MSN: variants seen among roughly 807,000 people sequenced by gnomAD.
MSN encodes moesin, also known as epididymis luminal protein 70.
In MSN, 2 loss-of-function variants were observed where a neutral mutation model predicts 48.0. The observed-to-expected ratio is 0.04, with a 90% CI of 0.02 to 0.13. The LOEUF is 0.13. Among genes scored for constraint, MSN ranks in the 10% least tolerant of loss-of-function variants. The pLI, the probability that MSN is intolerant of heterozygous loss-of-function variation, is 1.00. For missense variants in MSN, 267 were observed against 470.1 expected (o/e 0.57, Z 3.99); for synonymous variants, 146 against 166.9 (o/e 0.87, Z 0.97).
At chrX:65,602,933 T>C (rs1484278891) in intron 1 of MSN, among the ~76,000 whole-genome samples, 1 of 110,883 alleles carries the variant, frequency 9.0e-6, no homozygotes, top group African/African-American at 3.3e-5. Flanking sequence ...TTAGAGACCA[T>C]ATAGAGGAGT....
intron 1 of MSN, among the ~76,000 whole-genome samples, chrX:65,628,115 T>G (rs1244909013): frequency 8.9e-6 from 1 of 112,314 alleles, no homozygotes; most frequent in East Asian, 2.8e-4. Context: ...CTTTTCCAGG[T>G]GCACAATGCA....
In MSN at chrX:65,740,670, G is replaced by T. The variant is rs2071727954; in HGVS notation, c.*777G>T. The T allele has an allele frequency of 5.8e-6, 1 of 172,325 alleles. No homozygotes were observed. The highest frequency in any genetic ancestry group is 1.1e-5 in the Non-Finnish European group (1 of 90,110). The allele number at this position is 172,325 out of a possible 1,213,427, so 14.2% of individuals were successfully genotyped here. A position where few individuals can be genotyped will look rare whatever the true frequency, so the allele number is the denominator to read the frequency against. ...TTGTAGGAGTATAGGCCGGTCTAAA[G>T]TGAGCTCTATGGGCAGATCTACCCC... is the stretch of plus-strand genomic sequence containing the variant. On this transcript the variant is annotated 3_prime_UTR_variant, in exon 13 of 13. Coordinates refer to ENST00000360270, the MANE Select transcript of MSN (RefSeq NM_002444.3).
intron 1 of MSN, among the ~76,000 whole-genome samples, chrX:65,689,411 C>A (rs751015399): frequency 9.0e-6 from 1 of 111,539 alleles, no homozygotes; most frequent in South Asian, 3.8e-4. Context: ...GGGAGCATAA[C>A]TGGGTGGAGG....
At chrX:65,717,909 G>A (rs57370106) in intron 2 of MSN, among the ~76,000 whole-genome samples, 19,377 of 111,325 alleles carry the variant, frequency 0.17, 4,153 homozygotes, top group African/African-American at 0.6. Context: ...GAAGGAGGTA[G>A]TGTTCAAATA....
chrX:65,627,551 C>T (rs1316893989), intron 1 of MSN, among the ~76,000 whole-genome samples: 1 of 110,815 alleles, frequency 9.0e-6, no homozygotes, highest in Non-Finnish European at 1.9e-5. Flanking sequence ...ATGACCGGCC[C>T]CCATGATTCA....
At chrX:65,660,728 G>A (rs1213887465) in intron 1 of MSN, among the ~76,000 whole-genome samples, 2 of 110,675 alleles carry the variant, frequency 1.8e-5, no homozygotes, top group East Asian at 2.8e-4. Context: ...CACCACACCC[G>A]GCTAATTTTT....
At chrX:65,729,121 A>G (rs1015942807) in intron 3 of MSN, among the ~76,000 whole-genome samples, 12 of 112,031 alleles carry the variant, frequency 1.1e-4, no homozygotes, top group Non-Finnish European at 2.1e-4. Context: ...ACGAGCTTAA[A>G]AGAAGAGCTT....
At chrX:65,632,678 G>T (rs1019328486) in intron 1 of MSN, among the ~76,000 whole-genome samples, 1 of 111,185 alleles carries the variant, frequency 9.0e-6, no homozygotes, top group African/African-American at 3.3e-5. Context: ...ATGTCTCTTT[G>T]TATGACTTGG....
chrX:65,588,640 T>G, intron 1 of MSN: 2 of 793,443 alleles, frequency 2.5e-6, no homozygotes, highest in Non-Finnish European at 3.0e-6. Flanking sequence ...GGCTGAGGGT[T>G]GGGAGAGGTT....
intron 1 of MSN, among the ~76,000 whole-genome samples, chrX:65,598,559 G>C (rs2070205559): frequency 8.9e-6 from 1 of 111,815 alleles, no homozygotes; most frequent in Non-Finnish European, 1.9e-5. Flanking sequence ...ATAGGATCTA[G>C]AAGTGAAAGA....
chrX:65,738,583 A>C lies in MSN; in HGVS notation c.1310A>C (p.Lys437Thr). The C allele has an allele frequency of 8.3e-7, 1 of 1,209,901 alleles. No homozygotes were observed. The highest frequency in any genetic ancestry group is 1.1e-6 in the Non-Finnish European group (1 of 894,442). ...RISQLEMARQ[K>T]KESEAVEWQQ... ...TCCCAGCTGGAGATGGCCCGACAGA[A>C]GAAGGAGAGTGAGGCTGTGGAGTGG... is the stretch of plus-strand genomic sequence containing the variant. The change falls in exon 11 of 13, where the codon AAG becomes ACG. Residue 437 changes from lysine (K) to threonine (T), a missense_variant. Around this residue, in one of 5 missense-constraint regions of MSN, gnomAD observed 70 missense variants for 76.3 expected, o/e 0.92. Transcript: ENST00000360270.
chrX:65,701,819 T>C, intron 1 of MSN, among the ~76,000 whole-genome samples: 1 of 111,277 alleles, frequency 9.0e-6, no homozygotes, highest in Non-Finnish European at 1.9e-5. Context: ...TACAGAGACA[T>C]TACTTTAGTG....
intron 1 of MSN, among the ~76,000 whole-genome samples, chrX:65,650,307 C>T (rs2070732783): frequency 9.0e-6 from 1 of 111,537 alleles, no homozygotes; most frequent in Admixed American, 9.5e-5. Context: ...AGGCTGGTCT[C>T]GAACACTTGG....
chrX:65,631,062 C>T (rs972004954), intron 1 of MSN, among the ~76,000 whole-genome samples: 1 of 109,379 alleles, frequency 9.1e-6, no homozygotes, highest in Non-Finnish European at 1.9e-5. Flanking sequence ...ATTATAGTCA[C>T]ACCTACCTCC....
intron 1 of MSN, among the ~76,000 whole-genome samples, chrX:65,699,903 G>A (rs746585314): frequency 1.3e-3 from 145 of 111,433 alleles, no homozygotes; most frequent in Non-Finnish European, 2.4e-3. Context: ...TCACACTTGA[G>A]CATGTTGCTT....
intron 1 of MSN, among the ~76,000 whole-genome samples, chrX:65,683,441 A>ACCACCACCC (rs1223753277): frequency 3.4e-4 from 16 of 46,800 alleles, no homozygotes; most frequent in Admixed American, 5.8e-4. Flanking sequence ...CACCACCACC[A>ACCACCACCC]CCCAGGCTGC....
chrX:65,588,705 T>A, intron 1 of MSN: 1 of 708,697 alleles, frequency 1.4e-6, no homozygotes, highest in Non-Finnish European at 1.7e-6. Context: ...GGGACAAACA[T>A]GGGAGGTTTA....
intron 1 of MSN, among the ~76,000 whole-genome samples, chrX:65,695,836 G>A (rs2147478656): frequency 1.1e-5 from 1 of 92,331 alleles, no homozygotes; most frequent in East Asian, 2.8e-4. Context: ...TGGGAAGAGG[G>A]TCAGGAAGCT....
At chrX:65,666,177 GT>G (rs112865950), upstream of MSN, among the ~76,000 whole-genome samples, 51 of 100,517 alleles carry the variant, frequency 5.1e-4, no homozygotes, top group Admixed American at 2.4e-3. Context: ...TAATTTTTTT[GT>G]TTTTTTTTTT....
Sources: gnomAD v4.1 joint callset for allele counts (sites outside exome capture counted in the v4.1 genomes callset) on GRCh38, gnomAD v4.1.1 for gene constraint, gnomAD v4.1.1 regional missense constraint, MANE v1.5 for transcripts, NCBI Gene and HGNC (gene_info 2026-07-23, HGNC 2026-07-21) for gene names.